Variants in ADAMTSL1 observed in about 807,000 individuals in gnomAD.
ADAMTSL1 encodes the protein ADAMTS-like protein 1.
A neutral mutation model predicts 201.8 loss-of-function variants in ADAMTSL1; 126 were observed. The ratio of observed to expected loss-of-function variants is 0.62; its 90% CI spans 0.54 to 0.72. The LOEUF is 0.72. Ranked by LOEUF, ADAMTSL1 falls within the 30% of genes least tolerant of loss-of-function variation. The pLI is 0.00. For missense variants in ADAMTSL1, 2,679 were observed against 2,277.8 expected (o/e 1.18, Z -3.59); for synonymous variants, 1,121 against 903.4 (o/e 1.24, Z -4.32).
chr9:18,900,463 A>AGAT (rs1829939456), intron 26 of ADAMTSL1, among the ~76,000 whole-genome samples: 1 of 152,110 alleles, frequency 6.6e-6, no homozygotes, highest in Non-Finnish European at 1.5e-5. Context: ...TTCTATTACA[A>AGAT]AGATACATGC....
chr9:18,750,779 C>T lies in ADAMTSL1; in HGVS notation c.2007-2519C>T, dbSNP rs10963745. Among the ~76,000 whole-genome samples, 672 of 152,248 alleles carry T rather than the reference C, an allele frequency of 4.4e-3. 2 individuals carry two copies. The highest frequency in any genetic ancestry group is 7.4e-3 in the Non-Finnish European group (504 of 68,020). ...CAGGCAGTTCTGGCTTGAGGTCTTT[C>T]CTGAGGTTGCAGTTATCTAAAGGCA... On this transcript the variant is annotated intron_variant, in intron 15 of 28. Transcript: ENST00000380548.
intron 2 of ADAMTSL1, among the ~76,000 whole-genome samples, chr9:18,405,342 G>T (rs916339052): frequency 3.9e-5 from 6 of 152,174 alleles, no homozygotes; most frequent in African/African-American, 1.4e-4. Context: ...CAACTAAGTT[G>T]TCTCCAGACC....
Position 18,660,810 on chromosome 9 carries a change from CT to C in ADAMTSL1, c.947-1117del, listed in dbSNP as rs11446181. On this transcript the variant is annotated intron_variant, in intron 8 of 28. Coordinates refer to ENST00000380548, the MANE Select transcript of ADAMTSL1 (RefSeq NM_001040272.6). Reference sequence around the variant, plus strand: ...TCTTTATAGTCAAATTTTAAAAGGCCTTTTTTTTAGGGTCTTTAATGAACAA... The same window carrying C: ...TCTTTATAGTCAAATTTTAAAAGGCCTTTTTTTAGGGTCTTTAATGAACAA... Among the ~76,000 whole-genome samples the C allele has an allele frequency of 2.0e-5, 3 of 151,542 alleles. No individual in the cohort carries two copies. The East Asian group carries it at 5.8e-4, about 29-fold the overall frequency.
chr9:18,057,701 C>T (rs966289390), intron 1 of ADAMTSL1, among the ~76,000 whole-genome samples: 6 of 152,220 alleles, frequency 3.9e-5, no homozygotes, highest in Non-Finnish European at 7.3e-5. Flanking sequence ...TCTCTGGGCT[C>T]CAGCCATACC....
rs1825860416 is a variant in ADAMTSL1, at chr9:17,909,697, T to C, written c.87+2775T>C. Among the ~76,000 whole-genome samples the C allele has an allele frequency of 4.5e-5, 3 of 66,356 alleles. 1 individual carries two copies. The highest frequency in any genetic ancestry group is 9.0e-5 in the Non-Finnish European group (2 of 22,142). 43.5% of individuals were successfully genotyped at this position (66,356 alleles called of 152,430 possible). A position where few individuals can be genotyped will look rare whatever the true frequency, so the allele number is the denominator to read the frequency against. ...GTCCTTTGTAGGGACATGGATGAAATTGGAAATCATCATTCTCAGTAAACT... is the reference window on the plus strand; with the variant it reads ...GTCCTTTGTAGGGACATGGATGAAACTGGAAATCATCATTCTCAGTAAACT... On this transcript the variant is annotated intron_variant, in intron 1 of 29. Transcript: ENST00000680146.
At chr9:18,181,696 A>G (rs1186329911) in intron 2 of ADAMTSL1, among the ~76,000 whole-genome samples, 2 of 152,008 alleles carry the variant, frequency 1.3e-5, no homozygotes, top group African/African-American at 4.8e-5. Flanking sequence ...GTGGGACTGT[A>G]AACTAGTTCA....
intron 19 of ADAMTSL1, among the ~76,000 whole-genome samples, chr9:18,784,113 A>T (rs1296311389): frequency 6.6e-6 from 1 of 152,190 alleles, no homozygotes; most frequent in Non-Finnish European, 1.5e-5. Flanking sequence ...TGCTGTTCAC[A>T]AATGTGCCTG....
intron 15 of ADAMTSL1, among the ~76,000 whole-genome samples, chr9:18,732,828 G>C (rs1161213797): frequency 2.6e-5 from 4 of 152,176 alleles, no homozygotes; most frequent in Non-Finnish European, 5.9e-5. Context: ...TCATCTTTGA[G>C]CAAGGTATGG....
At chr9:18,605,224 A>G (rs1587691125) in intron 4 of ADAMTSL1, among the ~76,000 whole-genome samples, 1 of 152,174 alleles carries the variant, frequency 6.6e-6, no homozygotes, top group South Asian at 2.1e-4. Context: ...CCAATGGGGT[A>G]TTTCAGAGAG....
At chr9:18,210,450 A>G (rs1323388042) in intron 2 of ADAMTSL1, among the ~76,000 whole-genome samples, 2 of 145,830 alleles carry the variant, frequency 1.4e-5, no homozygotes, top group East Asian at 3.9e-4. Flanking sequence ...ATGATATATT[A>G]ATAAATATAT....
chr9:18,847,274 A>G (rs1563854053), intron 23 of ADAMTSL1, among the ~76,000 whole-genome samples: 1 of 152,158 alleles, frequency 6.6e-6, no homozygotes, highest in African/African-American at 2.4e-5. Context: ...GGCATTTAAC[A>G]GAGGAACTGC....
intron 2 of ADAMTSL1, among the ~76,000 whole-genome samples, chr9:18,337,165 G>T (rs1261757934): frequency 6.6e-6 from 1 of 152,098 alleles, no homozygotes; most frequent in Non-Finnish European, 1.5e-5. Context: ...AGCACAGCCA[G>T]AATAAAAGCA....
chr9:18,716,177 GC>G (rs1832918776), intron 14 of ADAMTSL1, among the ~76,000 whole-genome samples: 1 of 151,926 alleles, frequency 6.6e-6, no homozygotes, highest in African/African-American at 2.4e-5. Context: ...ATAGGCATGG[GC>G]AAGGACTTCA....
At chr9:17,971,711 T>C (rs1818211973) in intron 1 of ADAMTSL1, among the ~76,000 whole-genome samples, 1 of 152,004 alleles carries the variant, frequency 6.6e-6, no homozygotes, top group South Asian at 2.1e-4. Flanking sequence ...AAAATTTAGT[T>C]TTGTTTTGGT....
At chr9:18,695,569 C>A (rs1240123703) in intron 13 of ADAMTSL1, among the ~76,000 whole-genome samples, 7 of 152,200 alleles carry the variant, frequency 4.6e-5, no homozygotes, top group Admixed American at 4.6e-4. Flanking sequence ...CCTAAATTAT[C>A]ACTTTCAAGT....
chr9:18,268,450 A>G (rs1832225126), intron 2 of ADAMTSL1, among the ~76,000 whole-genome samples: 1 of 152,182 alleles, frequency 6.6e-6, no homozygotes, highest in Non-Finnish European at 1.5e-5. Context: ...CTTTTATGTC[A>G]TTTGGTAAGA....
intron 23 of ADAMTSL1, among the ~76,000 whole-genome samples, chr9:18,870,012 C>G (rs1322704984): frequency 6.6e-6 from 1 of 152,090 alleles, no homozygotes; most frequent in African/African-American, 2.4e-5. Flanking sequence ...CCTGCCAGCT[C>G]TAATCTTCTG....
chr9:18,249,814 G>C (rs1045377445), intron 2 of ADAMTSL1, among the ~76,000 whole-genome samples: 3 of 152,112 alleles, frequency 2.0e-5, no homozygotes, highest in Non-Finnish European at 4.4e-5. Context: ...TTTTGGAAGG[G>C]AGAGTTCAGG....
chr9:18,550,368 G>A (rs1289804307), intron 3 of ADAMTSL1, among the ~76,000 whole-genome samples: 1 of 151,852 alleles, frequency 6.6e-6, no homozygotes. Flanking sequence ...CTCAGCTGGA[G>A]GCAGAAATGA....
Sources: allele counts gnomAD v4.1 joint callset (sites outside exome capture counted in the v4.1 genomes callset), GRCh38; gene constraint gnomAD v4.1.1; transcripts MANE v1.5; gene names NCBI Gene and HGNC (gene_info 2026-07-23, HGNC 2026-07-21).